ZNF695: variants seen among roughly 807,000 people sequenced by gnomAD.
The protein encoded by ZNF695 is zinc finger protein 695.
A neutral mutation model predicts 11.2 loss-of-function variants in ZNF695; 11 were observed. That is an observed-to-expected ratio of 0.98 (90% CI 0.62 to 1.62). The LOEUF (loss-of-function observed/expected upper bound fraction) is 1.62. Among genes scored for constraint, ZNF695 ranks in the 40% most tolerant of loss-of-function variants. The probability of loss-of-function intolerance (pLI) is 0.00; values close to 1 mark genes in which losing one functional copy is unlikely to be tolerated. For synonymous variants in ZNF695, 190 were observed against 201.4 expected, an observed-to-expected ratio of 0.94 and a Z score of 0.48; for missense variants, 559 against 590.5, an observed-to-expected ratio of 0.95 and a Z score of 0.55.
chr1:246,945,980 G>A (rs1282543940), intron 5 of ZNF695, among the ~76,000 whole-genome samples: 1 of 137,450 alleles, frequency 7.3e-6, no homozygotes, highest in East Asian at 2.0e-4. Context: ...ACGCAGGTGT[G>A]AGCCACTGCG....
chr1:246,967,477 G>A, intron 5 of ZNF695: 8 of 452,356 alleles, frequency 1.8e-5, no homozygotes, highest in Admixed American at 7.3e-5. Flanking sequence ...GGATAAAAGA[G>A]AAAAAGGGGT....
At chr1:247,003,441 C>G (rs2642956) in intron 1 of ZNF695, among the ~76,000 whole-genome samples, 96,827 of 151,972 alleles carry the variant, frequency 0.64, 32,190 homozygotes, top group East Asian at 0.99. Flanking sequence ...ACACTAGGGC[C>G]GACTTTAGAG....
At chr1:246,945,775 C>T (rs1277632445) in exon 6 of ZNF695, 57 of 1,549,968 alleles carry the variant, frequency 3.7e-5, no homozygotes, top group Admixed American at 7.9e-5. Context: ...GTTCAAGCAG[C>T]GACGGAACCT....
intron 4 of ZNF695, among the ~76,000 whole-genome samples, chr1:246,971,346 T>C (rs1668419058): frequency 6.6e-6 from 1 of 152,240 alleles, no homozygotes; most frequent in Non-Finnish European, 1.5e-5. Flanking sequence ...GCCAGGAGTG[T>C]GACCGCTGAA....
intron 5 of ZNF695, chr1:246,945,832 A>C (rs550579788): frequency 6.5e-7 from 1 of 1,549,988 alleles, no homozygotes; most frequent in African/African-American, 1.4e-5. Flanking sequence ...TGGACCCTGA[A>C]AAAAAGAAAG....
chr1:246,989,359 T>G (rs1490947415), intron 3 of ZNF695, among the ~76,000 whole-genome samples: 3 of 152,180 alleles, frequency 2.0e-5, no homozygotes, highest in Admixed American at 1.3e-4. Flanking sequence ...AAGTTAAAAA[T>G]CAGGAGTACT....
intron 5 of ZNF695, among the ~76,000 whole-genome samples, chr1:246,950,255 G>T (rs1667838927): frequency 6.6e-6 from 1 of 152,174 alleles, no homozygotes; most frequent in African/African-American, 2.4e-5. Flanking sequence ...CAAGGACTAT[G>T]CTTGAATATA....
chr1:247,000,143 A>T, intron 1 of ZNF695, 69 bp from the exon 2 acceptor site: 1 of 1,352,096 alleles, frequency 7.4e-7, no homozygotes, highest in Non-Finnish European at 1.0e-6. Context: ...GCAAGGAGAG[A>T]CAGTGAAGAG....
Position 246,976,576 on chromosome 1 carries a change from C to T in ZNF695, c.391-8784G>A, listed in dbSNP as rs186231242. 9.0e-3 allele frequency among the ~76,000 whole-genome samples: 1,364 copies of T among 151,688 alleles called. 16 individuals are homozygous for T. The highest frequency in any genetic ancestry group is 0.05 in the East Asian group (259 of 5,154). ...TTGGGAGGCCAAGGCGGGCAGATCA[C>T]GAGGTGAGGAGATCGAGACCATCCT... is the stretch of plus-strand genomic sequence containing the variant. On this transcript the variant is annotated intron_variant, in intron 4 of 5. Transcript: ENST00000487338.
intron 1 of ZNF695, among the ~76,000 whole-genome samples, chr1:247,000,530 A>AT (rs956918571): frequency 6.6e-6 from 1 of 151,798 alleles, no homozygotes; most frequent in African/African-American, 2.4e-5. Context: ...ATAAATAAAA[A>AT]ATATATATAT....
Position 246,977,252 on chromosome 1 carries a change from G to A in ZNF695, c.391-9460C>T, listed in dbSNP as rs143584966. 3.0e-4 allele frequency among the ~76,000 whole-genome samples: 45 copies of A among 152,252 alleles called. No individual in the cohort carries two copies. The East Asian group carries it at 8.1e-3, about 27-fold the overall frequency. ...CAAGGTTGTGAAGGCCTTTATGAAA[G>A]GATACATTTTTTGTTGTTGTTTTTG... is the stretch of plus-strand genomic sequence containing the variant. On this transcript the variant is annotated intron_variant, in intron 4 of 5. Transcript: ENST00000487338.
At chr1:246,947,489 C>T (rs1299416611) in intron 5 of ZNF695, among the ~76,000 whole-genome samples, 2 of 152,102 alleles carry the variant, frequency 1.3e-5, no homozygotes, top group African/African-American at 2.4e-5. Context: ...TCTGGGTCTC[C>T]GACTTCCTTT....
At chr1:246,964,955 T>C (rs1465776372) in intron 5 of ZNF695, among the ~76,000 whole-genome samples, 1 of 152,190 alleles carries the variant, frequency 6.6e-6, no homozygotes, top group African/African-American at 2.4e-5. Context: ...GGGGGAACTT[T>C]ATGGGGTGAT....
intron 5 of ZNF695, chr1:246,945,883 A>G: frequency 6.5e-7 from 1 of 1,544,244 alleles, no homozygotes; most frequent in Non-Finnish European, 8.8e-7. Flanking sequence ...TCCTTGGGAT[A>G]TGATTTATGC....
At chr1:246,954,401 C>T (rs1667940940) in intron 5 of ZNF695, among the ~76,000 whole-genome samples, 1 of 152,214 alleles carries the variant, frequency 6.6e-6, no homozygotes, top group African/African-American at 2.4e-5. Context: ...TGCTTGAGTT[C>T]AGCCCGAATT....
chr1:247,003,290 A>G (rs1227376032), intron 1 of ZNF695, among the ~76,000 whole-genome samples: 1 of 152,228 alleles, frequency 6.6e-6, no homozygotes, highest in African/African-American at 2.4e-5. Context: ...TATAACAAAC[A>G]CAAAATCATG....
chr1:246,987,579 A>G lies in ZNF695; in HGVS notation c.936T>C (p.Thr312=), dbSNP rs1236295606. Residue 312 remains threonine (T), a synonymous_variant, in exon 4 of 4, where the codon ACT becomes ACC. Coordinates refer to ENST00000339986, the MANE Select transcript of ZNF695 (RefSeq NM_020394.5). ...GKSFKLFPYL[T]QHKRIHSREK... ...CTCTACTATGAATTCTCTTGTGTTG[A>G]GTAAGGTATGGGAACAACTTAAAGG... 6.3e-7 allele frequency: 1 copy of G among 1,598,026 alleles called. No individual in the cohort carries two copies.
At chr1:246,997,616 C>A (rs1049688510) in intron 3 of ZNF695, among the ~76,000 whole-genome samples, 1 of 152,072 alleles carries the variant, frequency 6.6e-6, no homozygotes, top group Non-Finnish European at 1.5e-5. Context: ...ATCTGCATCC[C>A]CATGTTCATT....
intron 5 of ZNF695, among the ~76,000 whole-genome samples, chr1:246,953,481 C>A (rs1667916378): frequency 6.6e-6 from 1 of 152,002 alleles, no homozygotes; most frequent in African/African-American, 2.4e-5. Context: ...CGTGGTGGCA[C>A]ACGCCTGTAG....
Sources: gnomAD v4.1 joint callset for allele counts (sites outside exome capture counted in the v4.1 genomes callset) on GRCh38, gnomAD v4.1.1 for gene constraint, MANE v1.5 for transcripts, NCBI Gene and HGNC (gene_info 2026-07-23, HGNC 2026-07-21) for gene names.